EDA: variants seen among roughly 807,000 people sequenced by gnomAD.
EDA encodes the protein ectodysplasin A.
A neutral mutation model predicts 23.6 loss-of-function variants in EDA; 2 were observed. That is an observed-to-expected ratio of 0.08 (90% confidence interval 0.03 to 0.27). EDA has a LOEUF of 0.27. Among genes scored for constraint, EDA ranks in the 10% least tolerant of loss-of-function variants. The pLI is 1.00. For synonymous variants in EDA, 131 were observed against 132.0 expected, an observed-to-expected ratio of 0.99 and a Z score of 0.05; for missense variants, 229 against 324.2, an observed-to-expected ratio of 0.71 and a Z score of 2.26.
At chrX:69,738,658 G>A (rs1392720387) in intron 1 of EDA, among the ~76,000 whole-genome samples, 1 of 108,012 alleles carries the variant, frequency 9.3e-6, no homozygotes, top group Non-Finnish European at 1.9e-5. Context: ...CACTATTTTA[G>A]TTGCATCTCA....
chrX:69,617,529 A>G (rs1932023008), intron 1 of EDA, among the ~76,000 whole-genome samples: 1 of 110,630 alleles, frequency 9.0e-6, no homozygotes, highest in East Asian at 2.9e-4. Flanking sequence ...TGTTTTTGCA[A>G]TCTTTATGGT....
At chrX:69,895,395 TACACACACACACACACACAC>T (rs200298403) in intron 1 of EDA, among the ~76,000 whole-genome samples, 2 of 86,152 alleles carry the variant, frequency 2.3e-5, no homozygotes, top group African/African-American at 4.3e-5. Context: ...TTTCTCAACC[TACACACACACACACACACAC>T]ACACACACAC....
chrX:69,709,378 T>C (rs2011874321), intron 1 of EDA, among the ~76,000 whole-genome samples: 1 of 112,024 alleles, frequency 8.9e-6, no homozygotes, highest in African/African-American at 3.2e-5. Context: ...GGACCATTGA[T>C]TGACATTTAA....
In EDA at chrX:69,856,459, A is replaced by G. The variant is rs73226428; in HGVS notation, c.397-100568A>G. Among the ~76,000 whole-genome samples the G allele has an allele frequency of 3.8e-3, 419 of 110,510 alleles. 2 individuals carry two copies. The highest frequency in any genetic ancestry group is 6.0e-3 in the Non-Finnish European group (315 of 52,833). On this transcript the variant is annotated intron_variant, in intron 1 of 7. Transcript: ENST00000374552. ...CTCTATACTCTTTTCCATAAAGGTTATACTAATTGACATTCCCACCAGCAC... is the reference window on the plus strand; with the variant it reads ...CTCTATACTCTTTTCCATAAAGGTTGTACTAATTGACATTCCCACCAGCAC...
intron 1 of EDA, among the ~76,000 whole-genome samples, chrX:69,867,876 C>T (rs191555578): frequency 7.2e-5 from 8 of 111,750 alleles, no homozygotes; most frequent in Admixed American, 9.5e-5. Context: ...GTATATACCA[C>T]TTCCATTTAA....
chrX:69,830,473 A>G (rs906945648), intron 1 of EDA, among the ~76,000 whole-genome samples: 2 of 111,997 alleles, frequency 1.8e-5, no homozygotes, highest in African/African-American at 6.5e-5. Context: ...AGCTCCAAGT[A>G]TAGGTAGAAA....
intron 1 of EDA, among the ~76,000 whole-genome samples, chrX:69,713,937 T>TC (rs754829660): frequency 1.9e-5 from 2 of 103,845 alleles, no homozygotes; most frequent in Non-Finnish European, 3.9e-5. Flanking sequence ...TTTTTTTTTT[T>TC]CCAAGAAACT....
At chrX:69,841,121 G>C (rs1168887206) in intron 1 of EDA, among the ~76,000 whole-genome samples, 1 of 112,063 alleles carries the variant, frequency 8.9e-6, no homozygotes, top group East Asian at 2.8e-4. Flanking sequence ...TATGCGCTCA[G>C]CTGTTTGTTC....
At chrX:69,642,423 C>G (rs1486064900) in intron 1 of EDA, among the ~76,000 whole-genome samples, 2 of 110,636 alleles carry the variant, frequency 1.8e-5, no homozygotes, top group African/African-American at 6.6e-5. Flanking sequence ...TTTGCCAACT[C>G]TCTTAAAAAG....
At chrX:69,720,556 C>T (rs114638024) in intron 1 of EDA, among the ~76,000 whole-genome samples, 210 of 111,424 alleles carry the variant, frequency 1.9e-3, no homozygotes, top group African/African-American at 6.1e-3. Context: ...CTGTACTTTC[C>T]CTGTTTTTCA....
intron 1 of EDA, among the ~76,000 whole-genome samples, chrX:69,624,958 A>G (rs1331669116): frequency 9.0e-6 from 1 of 111,106 alleles, no homozygotes; most frequent in Non-Finnish European, 1.9e-5. Context: ...TATCATTTAT[A>G]TCTTGCCCCA....
intron 1 of EDA, among the ~76,000 whole-genome samples, chrX:69,717,545 A>T (rs1422094067): frequency 1.2e-5 from 1 of 86,693 alleles, no homozygotes; most frequent in Non-Finnish European, 2.2e-5. Context: ...TTCGAGATGG[A>T]GTCTTGCTCT....
At chrX:69,740,842 T>C (rs1372941559) in intron 1 of EDA, among the ~76,000 whole-genome samples, 1 of 109,973 alleles carries the variant, frequency 9.1e-6, no homozygotes, top group Non-Finnish European at 1.9e-5. Context: ...CATTCTTTCT[T>C]TTCTTTCTTA....
intron 4 of EDA, among the ~76,000 whole-genome samples, chrX:70,028,405 T>C (rs778078783): frequency 1.8e-5 from 2 of 112,107 alleles, no homozygotes; most frequent in South Asian, 7.5e-4. Flanking sequence ...TAATCTTCTG[T>C]GATTCCCAGC....
chrX:69,736,289 G>A (rs2013254422), intron 1 of EDA, among the ~76,000 whole-genome samples: 1 of 111,064 alleles, frequency 9.0e-6, no homozygotes, highest in Non-Finnish European at 1.9e-5. Flanking sequence ...TGGGCAACAA[G>A]AGCGAAACTC....
At chrX:70,012,129 T>TC (rs1172608356) in intron 2 of EDA, among the ~76,000 whole-genome samples, 1 of 111,485 alleles carries the variant, frequency 9.0e-6, no homozygotes, top group African/African-American at 3.3e-5. Context: ...TAGCTATATG[T>TC]CCCCCTCTGA....
At chrX:69,800,228 G>A (rs889038194) in intron 1 of EDA, among the ~76,000 whole-genome samples, 4 of 111,641 alleles carry the variant, frequency 3.6e-5, no homozygotes, top group Non-Finnish European at 3.8e-5. Context: ...GGGTGGAAGC[G>A]GGGAGCAGGG....
chrX:69,820,351 A>G (rs1037427737), intron 1 of EDA, among the ~76,000 whole-genome samples: 5 of 112,280 alleles, frequency 4.5e-5, no homozygotes, highest in African/African-American at 1.6e-4. Flanking sequence ...TTTCATAACA[A>G]AAACACCAAA....
intron 1 of EDA, among the ~76,000 whole-genome samples, chrX:69,652,738 A>G (rs1393420548): frequency 1.8e-5 from 2 of 112,224 alleles, no homozygotes; most frequent in African/African-American, 6.5e-5. Context: ...AAATATCTTA[A>G]GAAATAAAAA....
Sources: allele counts gnomAD v4.1 joint callset (sites outside exome capture counted in the v4.1 genomes callset), GRCh38; gene constraint gnomAD v4.1.1; transcripts MANE v1.5; gene names NCBI Gene and HGNC (gene_info 2026-07-23, HGNC 2026-07-21).